Variants in VCL observed in about 807,000 individuals in gnomAD.
The protein encoded by VCL is epididymis luminal protein 114.
In VCL, 47 loss-of-function variants were observed where a neutral mutation model predicts 125.7. The ratio of observed to expected loss-of-function variants is 0.37; its 90% confidence interval spans 0.30 to 0.48. The LOEUF (loss-of-function observed/expected upper bound fraction) is 0.48. VCL is among the 20% of genes least tolerant of loss of function. The probability of loss-of-function intolerance (pLI) is 0.99; values close to 1 mark genes in which losing one functional copy is unlikely to be tolerated. For missense variants in VCL, 1,069 were observed against 1,455.5 expected (o/e 0.73, Z 4.32); for synonymous variants, 458 against 514.6 (o/e 0.89, Z 1.49).
intron 2 of VCL, among the ~76,000 whole-genome samples, chr10:74,066,062 T>TATATA (rs1491467672): frequency 8.0e-6 from 1 of 124,660 alleles, no homozygotes; most frequent in African/African-American, 3.1e-5. Context: ...TATATATATA[T>TATATA]TTTTTTTTTT....
At chr10:74,080,518 A>T (rs1326627333) in intron 6 of VCL, among the ~76,000 whole-genome samples, 2 of 152,218 alleles carry the variant, frequency 1.3e-5, no homozygotes, top group Non-Finnish European at 1.5e-5. Context: ...AATTCAATGC[A>T]TGTCAGTTGA....
At chr10:74,043,010 A>T in intron 1 of VCL, 73 bp from the exon 2 acceptor site, 1 of 1,383,310 alleles carries the variant, frequency 7.2e-7, no homozygotes, top group Non-Finnish European at 1.0e-6. Context: ...TATATGTTTC[A>T]AATATGCTTA....
intron 14 of VCL, among the ~76,000 whole-genome samples, chr10:74,102,962 G>T (rs1240559253): frequency 6.6e-6 from 1 of 152,092 alleles, no homozygotes; most frequent in African/African-American, 2.4e-5. Flanking sequence ...CGCCTCCGGG[G>T]TTCAAGCGAT....
chr10:74,103,893 A>T lies in VCL; in HGVS notation c.2096A>T (p.Lys699Met). The T allele has an allele frequency of 1.2e-6, 2 of 1,614,212 alleles. No individual in the cohort carries two copies. Among genetic ancestry groups the T allele is most frequent in the Middle Eastern group, 1.6e-4 (1 of 6,062 alleles). The change falls in exon 15 of 22, where the codon AAG becomes ATG. Residue 699 changes from lysine to methionine, a missense_variant. Coordinates refer to ENST00000211998, the MANE Select transcript of VCL (RefSeq NM_014000.3). ...QAAYEHFETM[K>M]NQWIDNVEKM... Reference sequence around the variant, plus strand: ...GCTTATGAACATTTTGAGACCATGAAGAACCAGTGGATCGATAATGTTGAA... The same window carrying T: ...GCTTATGAACATTTTGAGACCATGATGAACCAGTGGATCGATAATGTTGAA...
intron 8 of VCL, among the ~76,000 whole-genome samples, 187 bp downstream of exon 8, chr10:74,083,700 A>G (rs1365000805): frequency 6.6e-6 from 1 of 151,358 alleles, no homozygotes; most frequent in African/African-American, 2.4e-5. Context: ...TTATTTATTT[A>G]TTATTTTTTG....
At chr10:74,035,334 T>C (rs538249115) in intron 1 of VCL, among the ~76,000 whole-genome samples, 22 of 148,302 alleles carry the variant, frequency 1.5e-4, no homozygotes, top group Non-Finnish European at 2.7e-4. Context: ...ATGAAAGGAG[T>C]AATAATAACA....
intron 10 of VCL, among the ~76,000 whole-genome samples, chr10:74,093,500 A>G (rs1009254027): frequency 3.9e-5 from 6 of 152,098 alleles, no homozygotes; most frequent in African/African-American, 1.2e-4. Flanking sequence ...GCAACTGCTT[A>G]TGGCTGGGTG....
chr10:74,089,110 A>G (rs1285047271), intron 8 of VCL, 86 bp from the exon 9 acceptor site: 5 of 1,585,264 alleles, frequency 3.2e-6, no homozygotes, highest in Non-Finnish European at 4.3e-6. Context: ...CATGTTCATG[A>G]AAACCACATG....
In VCL at chr10:74,090,052, G is replaced by A. The variant is rs779265817; in HGVS notation, c.1206G>A (p.Pro402=). 4.9e-5 allele frequency: 79 copies of A among 1,613,976 alleles called. No homozygotes were observed. The highest frequency in any genetic ancestry group is 1.6e-4 in the Middle Eastern group (1 of 6,084). ...GGCTTGCAGATCCAAATGGTGGACC[G>A]GAAGGAGAAGAGCAGATTCGAGGTG... ...QNWLADPNGG[P]EGEEQIRGAL... Residue 402 remains proline (P), a synonymous_variant, in exon 10 of 22, where the codon CCG becomes CCA. Transcript: ENST00000211998.
At chr10:74,115,145 T>A (rs140989024) in intron 21 of VCL, among the ~76,000 whole-genome samples, 2 of 151,904 alleles carry the variant, frequency 1.3e-5, no homozygotes. Context: ...GGCGGGAGAA[T>A]TGCTTAAGCC....
chr10:74,082,575 TACA>T (rs767911037), intron 7 of VCL, 31 bp downstream of exon 7: 2 of 1,609,092 alleles, frequency 1.2e-6, no homozygotes, highest in South Asian at 2.2e-5. Context: ...TTCTGATCAA[TACA>T]ACGAGAAGCT....
rs1286302808 is a variant in VCL, at chr10:74,089,353, G to C, written c.1176+4G>C. The C allele has an allele frequency of 5.6e-6, 9 of 1,613,692 alleles. No homozygotes were observed. In the African/African-American group the frequency reaches 8.0e-5, roughly 14 times the overall value. The stretch of plus-strand genomic sequence containing the variant: ...AAAGAAGATCGATGCTGCTCAGGTA[G>C]TCACAGTGATTTTCAGGAGGGGTGG... On this transcript the variant is annotated splice_donor_region_variant and intron_variant, in intron 9 of 21. Coordinates refer to ENST00000211998, the MANE Select transcript of VCL (RefSeq NM_014000.3).
At chr10:74,094,488 C>T (rs1482821943) in intron 11 of VCL, 27 bp downstream of exon 11, 1 of 1,605,446 alleles carries the variant, frequency 6.2e-7, no homozygotes, top group South Asian at 1.1e-5. Flanking sequence ...ACTATAACCT[C>T]ATTAAATTGG....
At chr10:74,113,578 CTT>C (rs5786134) in intron 19 of VCL, among the ~76,000 whole-genome samples, 270 of 146,778 alleles carry the variant, frequency 1.8e-3, no homozygotes, top group African/African-American at 4.6e-3. Context: ...CAGAAAATAT[CTT>C]TTTTTTTTTT....
In VCL at chr10:74,107,291, A is replaced by G; in HGVS notation, c.2496A>G (p.Arg832=). The part of the protein sequence containing the change: ...YRILGAVAKV[R]EAFQPQEPDF... ...TCCTGGGAGCTGTGGCCAAGGTCAG[A>G]GAAGCCTTCCAACCTCAGGAGCCTG... Residue 832 remains arginine, a synonymous_variant, in exon 17 of 22, where the codon AGA becomes AGG. Transcript: ENST00000211998. 6.2e-7 allele frequency: 1 copy of G among 1,614,242 alleles called. No homozygotes were observed. The highest frequency in any genetic ancestry group is 8.5e-7 in the Non-Finnish European group (1 of 1,180,034).
chr10:74,010,151 C>A (rs566376521), intron 1 of VCL, among the ~76,000 whole-genome samples: 1 of 152,250 alleles, frequency 6.6e-6, no homozygotes, highest in South Asian at 2.1e-4. Context: ...TCTCAAACTC[C>A]TGACTTCAAG....
intron 16 of VCL, 28 bp from the exon 17 acceptor site, chr10:74,107,202 G>A: frequency 6.2e-7 from 1 of 1,614,054 alleles, no homozygotes. Flanking sequence ...GACCCACCCA[G>A]CTGAAAGTGA....
At position 74,097,699 on chromosome 10, in the gene VCL, G is replaced by A. The variant is rs1258158925; in HGVS notation, c.1872+367G>A. Among the ~76,000 whole-genome samples the A allele has an allele frequency of 1.3e-5, 2 of 152,172 alleles. No individual in the cohort carries two copies. The highest frequency in any genetic ancestry group is 2.4e-5 in the African/African-American group (1 of 41,446). ...TTCTCAGGGTGTGGGATGGCATCAT[G>A]TTAAATGCAGGAAGAAATGAAGAAT... On this transcript the variant is annotated intron_variant, in intron 13 of 21. Transcript: ENST00000211998. This position sits in a 1 kb window ranked among gnomAD's most constrained non-coding sequence, Gnocchi z 4.1.
intron 2 of VCL, among the ~76,000 whole-genome samples, chr10:74,043,645 C>T (rs796841346): frequency 7.2e-5 from 11 of 151,992 alleles, no homozygotes; most frequent in African/African-American, 2.7e-4. Flanking sequence ...CTGTACCTGG[C>T]CAATTTTTGA....
Sources: allele counts gnomAD v4.1 joint callset (sites outside exome capture counted in the v4.1 genomes callset), GRCh38; gene constraint gnomAD v4.1.1; non-coding constraint Gnocchi (gnomAD v3.1); transcripts MANE v1.5; gene names NCBI Gene and HGNC (gene_info 2026-07-23, HGNC 2026-07-21).